Variants in SV2C observed in about 807,000 individuals in gnomAD.
The protein encoded by SV2C is solute carrier family 22 member B3.
Under a neutral mutation model 79.7 loss-of-function variants are expected in SV2C, and 49 were observed. The ratio of observed to expected loss-of-function variants is 0.61; its 90% confidence interval spans 0.49 to 0.78. The LOEUF (loss-of-function observed/expected upper bound fraction) is 0.78. Ranked by LOEUF, SV2C falls within the 30% of genes least tolerant of loss-of-function variation. SV2C has a pLI of 0.00. For missense variants in SV2C, 833 were observed against 912.9 expected, an observed-to-expected ratio of 0.91 and a Z score of 1.13; for synonymous variants, 334 against 333.2, an observed-to-expected ratio of 1.00 and a Z score of -0.03.
intron 6 of SV2C, among the ~76,000 whole-genome samples, chr5:76,288,911 G>A (rs545206873): frequency 2.7e-5 from 4 of 148,960 alleles, no homozygotes; most frequent in East Asian, 2.0e-4. Context: ...ACAGGGTCTC[G>A]TTCTGTTGCC....
chr5:76,232,018 C>A (rs1745437517), intron 4 of SV2C, among the ~76,000 whole-genome samples: 1 of 146,054 alleles, frequency 6.8e-6, no homozygotes, highest in Admixed American at 6.6e-5. Context: ...GTCACACCGA[C>A]TTCCACAATG....
the SV2C span, among the ~76,000 whole-genome samples, chr5:75,920,051 G>T: frequency 6.6e-6 from 1 of 152,182 alleles, no homozygotes; most frequent in Non-Finnish European, 1.5e-5. Flanking sequence ...GGGTGGTAGA[G>T]ATATGCAGTA....
At chr5:76,128,742 T>C (rs901428218) in intron 1 of SV2C, among the ~76,000 whole-genome samples, 1 of 152,254 alleles carries the variant, frequency 6.6e-6, no homozygotes, top group African/African-American at 2.4e-5. Context: ...TGGTTTGTTT[T>C]GTTTTTCATT....
chr5:75,922,443 T>G, the SV2C span, among the ~76,000 whole-genome samples: 10 of 150,120 alleles, frequency 6.7e-5, no homozygotes, highest in South Asian at 6.6e-4. Flanking sequence ...TCATAAAAAG[T>G]AAAGTAAGAA....
At chr5:75,939,512 C>T in the SV2C span, among the ~76,000 whole-genome samples, 1 of 152,196 alleles carries the variant, frequency 6.6e-6, no homozygotes, top group Non-Finnish European at 1.5e-5. Flanking sequence ...AGTGTTAGGG[C>T]TTCAAAATAT....
intron 2 of SV2C, among the ~76,000 whole-genome samples, chr5:76,156,878 G>GA (rs1175199196): frequency 2.0e-5 from 3 of 151,762 alleles, no homozygotes; most frequent in Admixed American, 6.6e-5. Flanking sequence ...GCTGAAGAGA[G>GA]AAAAAAATGA....
the SV2C span, among the ~76,000 whole-genome samples, chr5:75,962,340 T>C: frequency 6.6e-6 from 1 of 152,126 alleles, no homozygotes; most frequent in Non-Finnish European, 1.5e-5. Flanking sequence ...CATCTTTGTA[T>C]ACTTAGAGCC....
chr5:76,345,327 C>T (rs1749519233), intron 12 of SV2C, among the ~76,000 whole-genome samples: 1 of 152,218 alleles, frequency 6.6e-6, no homozygotes, highest in South Asian at 2.1e-4. Context: ...TGATCAGTCG[C>T]CATGTGCATG....
At chr5:76,275,021 AAAG>A (rs1746980581) in intron 4 of SV2C, among the ~76,000 whole-genome samples, 1 of 152,156 alleles carries the variant, frequency 6.6e-6, no homozygotes, top group Admixed American at 6.5e-5. Flanking sequence ...CCTTGTGAGT[AAAG>A]AAGACCATAG....
intron 2 of SV2C, among the ~76,000 whole-genome samples, chr5:76,140,423 A>T (rs1749212534): frequency 6.6e-6 from 1 of 152,214 alleles, no homozygotes; most frequent in Non-Finnish European, 1.5e-5. Context: ...TTAGGGATTA[A>T]CAAAAGGATA....
At chr5:76,095,957 T>A (rs1747542675) in intron 1 of SV2C, among the ~76,000 whole-genome samples, 1 of 152,164 alleles carries the variant, frequency 6.6e-6, no homozygotes, top group Non-Finnish European at 1.5e-5. Context: ...GAATTCTGAT[T>A]TGAATTTTGA....
At chr5:76,149,778 G>T (rs1410514403) in intron 2 of SV2C, among the ~76,000 whole-genome samples, 1 of 152,140 alleles carries the variant, frequency 6.6e-6, no homozygotes. Flanking sequence ...CTTATACACA[G>T]TGGGGGGACA....
chr5:76,248,623 A>ATTTTT (rs369098544), intron 4 of SV2C, among the ~76,000 whole-genome samples: 13 of 143,368 alleles, frequency 9.1e-5, no homozygotes, highest in Non-Finnish European at 1.7e-4. Flanking sequence ...GTGCTCAGTG[A>ATTTTT]TTTTTTTTTT....
chr5:76,127,730 A>G (rs142107214), intron 1 of SV2C, among the ~76,000 whole-genome samples: 2 of 152,282 alleles, frequency 1.3e-5, no homozygotes, highest in East Asian at 3.9e-4. Context: ...GGTGCGGAGA[A>G]CAGGAAGCTC....
chr5:76,221,171 G>A (rs1391502733), intron 4 of SV2C, among the ~76,000 whole-genome samples: 1 of 152,146 alleles, frequency 6.6e-6, no homozygotes, highest in Non-Finnish European at 1.5e-5. Flanking sequence ...AAGCAACTCT[G>A]GCTAACTCAA....
the SV2C span, among the ~76,000 whole-genome samples, chr5:75,971,243 C>G: frequency 6.6e-6 from 1 of 152,186 alleles, no homozygotes; most frequent in South Asian, 2.1e-4. Flanking sequence ...AAACTGGAAG[C>G]ATTCCCTTTG....
intron 1 of SV2C, among the ~76,000 whole-genome samples, chr5:76,128,324 C>T (rs145195321): frequency 6.6e-6 from 1 of 152,162 alleles, no homozygotes; most frequent in East Asian, 1.9e-4. Context: ...AAGCTCGTCA[C>T]TGATTAAAGG....
chr5:75,938,098 A>T, the SV2C span, among the ~76,000 whole-genome samples: 1 of 152,222 alleles, frequency 6.6e-6, no homozygotes, highest in Non-Finnish European at 1.5e-5. Flanking sequence ...GTCTCTGACC[A>T]TGATGCCCGT....
intron 2 of SV2C, among the ~76,000 whole-genome samples, chr5:76,188,835 A>T (rs1176944566): frequency 1.3e-5 from 2 of 152,104 alleles, no homozygotes; most frequent in Non-Finnish European, 2.9e-5. Flanking sequence ...TGGTCCCTGG[A>T]GTCAGCCTTC....
Sources: allele counts gnomAD v4.1 joint callset (sites outside exome capture counted in the v4.1 genomes callset), GRCh38; gene constraint gnomAD v4.1.1; transcripts MANE v1.5; gene names NCBI Gene and HGNC (gene_info 2026-07-23, HGNC 2026-07-21).